Variants in CCNY observed in about 807,000 individuals in gnomAD.
CCNY encodes the protein cyclin Y, also known as cyclin-Y.
Under a neutral mutation model 42.8 loss-of-function variants are expected in CCNY, and 19 were observed. The ratio of observed to expected loss-of-function variants is 0.44; its 90% CI spans 0.31 to 0.65. The LOEUF (loss-of-function observed/expected upper bound fraction) is 0.65, where lower values mean the gene tolerates loss of function less well. CCNY is among the 30% of genes least tolerant of loss of function. CCNY has a pLI of 0.07. For missense variants in CCNY, 370 were observed against 437.3 expected (o/e 0.85, Z 1.37); for synonymous variants, 165 against 162.7 (o/e 1.01, Z -0.11).
chr10:35,526,060 T>A, intron 5 of CCNY, 61 bp downstream of exon 5: 1 of 1,422,652 alleles, frequency 7.0e-7, no homozygotes, highest in Non-Finnish European at 9.8e-7. Flanking sequence ...TTGTTCCTAT[T>A]TTTTCATATT....
intron 1 of CCNY, among the ~76,000 whole-genome samples, chr10:35,461,400 G>C (rs1564420075): frequency 6.6e-6 from 1 of 152,180 alleles, no homozygotes; most frequent in Non-Finnish European, 1.5e-5. Flanking sequence ...GGAGTAAGGA[G>C]AATTCTGGCT....
chr10:35,422,601 T>C (rs747056708), intron 1 of CCNY, among the ~76,000 whole-genome samples: 2 of 152,274 alleles, frequency 1.3e-5, no homozygotes, highest in Admixed American at 6.5e-5. Context: ...TTTCAAGATA[T>C]GTTGTTTTAT....
chr10:35,298,187 C>T (rs554149945), intron 3 of CCNY, among the ~76,000 whole-genome samples: 6 of 152,254 alleles, frequency 3.9e-5, no homozygotes, highest in South Asian at 2.1e-4. Context: ...GTGTAATTAA[C>T]GTAAAATAAG....
At chr10:35,296,649 T>C (rs1485048678) in intron 3 of CCNY, among the ~76,000 whole-genome samples, 1 of 151,836 alleles carries the variant, frequency 6.6e-6, no homozygotes, top group African/African-American at 2.4e-5. Context: ...AAGATGAAAT[T>C]ACCACCATCT....
intron 1 of CCNY, among the ~76,000 whole-genome samples, chr10:35,435,536 A>G (rs3013364): frequency 0.072 from 11,040 of 152,280 alleles, 663 homozygotes; most frequent in African/African-American, 0.17. Context: ...GATGATTTCT[A>G]TACTAAAATA....
At chr10:35,300,676 C>A (rs185329918) in intron 3 of CCNY, among the ~76,000 whole-genome samples, 6 of 152,144 alleles carry the variant, frequency 3.9e-5, no homozygotes, top group African/African-American at 1.4e-4. Flanking sequence ...AACTGCTTTA[C>A]TCAGTGGGTT....
In CCNY at chr10:35,553,816, T is replaced by C. The variant is rs558569637; in HGVS notation, c.746+631T>C. Among the ~76,000 whole-genome samples the C allele has an allele frequency of 2.6e-5, 4 of 152,178 alleles. No individual in the cohort carries two copies. In the East Asian group the frequency reaches 7.7e-4, roughly 29 times the overall value. On this transcript the variant is annotated intron_variant, in intron 8 of 9. Coordinates refer to ENST00000374704, the MANE Select transcript of CCNY (RefSeq NM_145012.6). Reference sequence around the variant, plus strand: ...CTGGGCAGTGTCAGGGTTTCTCAGATGGGCCAGTCTTCAATTTAGGTGAGG... The same window carrying C: ...CTGGGCAGTGTCAGGGTTTCTCAGACGGGCCAGTCTTCAATTTAGGTGAGG...
upstream of CCNY, chr10:35,335,822 A>T (rs1332523468): frequency 6.6e-6 from 1 of 151,748 alleles, no homozygotes; most frequent in Non-Finnish European, 1.5e-5. Context: ...AGCCTGGCGT[A>T]GTGGCGGGAG....
At chr10:35,397,613 C>T (rs941464058) in intron 1 of CCNY, among the ~76,000 whole-genome samples, 38 of 152,218 alleles carry the variant, frequency 2.5e-4, no homozygotes, top group African/African-American at 8.4e-4. Context: ...TCAGGTCAGC[C>T]TTGTATGCAG....
intron 3 of CCNY, among the ~76,000 whole-genome samples, chr10:35,253,470 G>A (rs1309724287): frequency 7.3e-6 from 1 of 137,096 alleles, no homozygotes; most frequent in Non-Finnish European, 1.5e-5. Flanking sequence ...TGTGGGGGGA[G>A]TCTCTCTTTG....
chr10:35,431,649 T>C (rs192771096), intron 1 of CCNY, among the ~76,000 whole-genome samples: 260 of 152,098 alleles, frequency 1.7e-3, no homozygotes, highest in Middle Eastern at 3.4e-3. Flanking sequence ...ACTGTCATTC[T>C]TTAGAGTTTT....
At position 35,337,110 on chromosome 10, in the gene CCNY, C is replaced by G. The variant is rs780317083; in HGVS notation, c.57C>G (p.Ala19=). 6.3e-6 allele frequency: 10 copies of G among 1,593,778 alleles called. No homozygotes were observed. The highest frequency in any genetic ancestry group is 2.7e-5 in the African/African-American group (2 of 73,016). ...VSSSPKLRRN[A]HSRLESYRPD... ...CCAGTCCCAAGCTCCGGAGGAATGCCCACTCCCGGCTGGAGTCCTACCGGC... is the reference window on the plus strand; with the variant it reads ...CCAGTCCCAAGCTCCGGAGGAATGCGCACTCCCGGCTGGAGTCCTACCGGC... Residue 19 remains alanine (A), a synonymous_variant, in exon 1 of 10, where the codon GCC becomes GCG. Transcript: ENST00000374704.
intron 1 of CCNY, among the ~76,000 whole-genome samples, chr10:35,445,892 CT>C (rs888034054): frequency 2.0e-5 from 3 of 152,076 alleles, no homozygotes; most frequent in Admixed American, 6.5e-5. Flanking sequence ...TTTCTTACTA[CT>C]TTTTTTTCTG....
chr10:35,377,132 A>T (rs2135185675), intron 1 of CCNY, among the ~76,000 whole-genome samples: 1 of 152,328 alleles, frequency 6.6e-6, no homozygotes, highest in African/African-American at 2.4e-5. Flanking sequence ...GTGTTGCCGT[A>T]ATGTCATAGT....
At chr10:35,510,197 A>G (rs1460912456) in intron 3 of CCNY, among the ~76,000 whole-genome samples, 1 of 152,130 alleles carries the variant, frequency 6.6e-6, no homozygotes, top group Non-Finnish European at 1.5e-5. Context: ...TTTTCCTCTA[A>G]TAATAATACT....
chr10:35,568,604 T>G (rs1475274495), intron 9 of CCNY, among the ~76,000 whole-genome samples: 1 of 152,246 alleles, frequency 6.6e-6, no homozygotes. Flanking sequence ...CAGCTGTCTT[T>G]GCCGCCAGCG....
chr10:35,298,633 C>T (rs1242002925), intron 3 of CCNY, among the ~76,000 whole-genome samples: 2 of 152,180 alleles, frequency 1.3e-5, no homozygotes, highest in Non-Finnish European at 2.9e-5. Flanking sequence ...TTCCTTGCCT[C>T]AGCCGCCTGA....
chr10:35,563,825 C>T (rs948350385), intron 8 of CCNY, among the ~76,000 whole-genome samples: 4 of 151,572 alleles, frequency 2.6e-5, no homozygotes, highest in African/African-American at 9.7e-5. Flanking sequence ...TCCTGCCTCA[C>T]CCTCCTGAGT....
intron 1 of CCNY, among the ~76,000 whole-genome samples, chr10:35,341,901 T>G (rs933472536): frequency 1.3e-5 from 2 of 152,220 alleles, no homozygotes; most frequent in Non-Finnish European, 2.9e-5. Flanking sequence ...CCTTGTTTCT[T>G]TCAACGAATG....
Sources: allele counts gnomAD v4.1 joint callset (sites outside exome capture counted in the v4.1 genomes callset), GRCh38; gene constraint gnomAD v4.1.1; transcripts MANE v1.5; gene names NCBI Gene and HGNC (gene_info 2026-07-23, HGNC 2026-07-21).